The following PRR5L variants were observed in gnomAD, a reference collection of about 807,000 sequenced individuals.
The protein encoded by PRR5L is proline rich 5 like, also known as proline-rich protein 5-like.
PRR5L carries 21 observed loss-of-function variants against 36.4 expected under a neutral mutation model. That is an observed-to-expected ratio of 0.58 (90% CI 0.41 to 0.83). The LOEUF (loss-of-function observed/expected upper bound fraction) is 0.83, where lower values mean the gene tolerates loss of function less well. PRR5L is among the 40% of genes least tolerant of loss of function. The probability of loss-of-function intolerance (pLI) is 0.00; values close to 1 mark genes in which losing one functional copy is unlikely to be tolerated. For synonymous variants in PRR5L, 188 were observed against 197.0 expected (o/e 0.95, Z 0.38); for missense variants, 381 against 473.3 (o/e 0.80, Z 1.81).
chr11:36,372,985 T>TGTGTG (rs1425456704), intron 1 of PRR5L, among the ~76,000 whole-genome samples: 7 of 133,352 alleles, frequency 5.2e-5, no homozygotes, highest in Admixed American at 2.1e-4. Flanking sequence ...GTTGTGTGTG[T>TGTGTG]GTGTGTGTGT....
intron 1 of PRR5L, among the ~76,000 whole-genome samples, chr11:36,393,195 A>G (rs1857595750): frequency 6.6e-6 from 1 of 152,044 alleles, no homozygotes; most frequent in East Asian, 1.9e-4. Flanking sequence ...ATGTGATCTC[A>G]TTTGTCCATT....
At chr11:36,437,242 C>G in intron 5 of PRR5L, 143 bp from the exon 6 acceptor site, 2 of 751,148 alleles carry the variant, frequency 2.7e-6, no homozygotes, top group Non-Finnish European at 2.4e-6. Flanking sequence ...CCTCTGCTCT[C>G]TGGGCTTTAA....
intron 1 of PRR5L, among the ~76,000 whole-genome samples, chr11:36,370,803 C>A (rs1304055867): frequency 6.8e-6 from 1 of 146,876 alleles, no homozygotes; most frequent in Non-Finnish European, 1.5e-5. Flanking sequence ...ATCACTTGAA[C>A]CCCGGAGGTG....
chr11:36,351,217 A>T (rs1215580532), intron 1 of PRR5L, among the ~76,000 whole-genome samples: 5 of 88,892 alleles, frequency 5.6e-5, no homozygotes, highest in South Asian at 3.8e-4. Flanking sequence ...TAAATATATA[A>T]ATATATATAT....
chr11:36,335,004 T>C (rs1198572317), intron 1 of PRR5L, among the ~76,000 whole-genome samples: 1 of 151,830 alleles, frequency 6.6e-6, no homozygotes, highest in Non-Finnish European at 1.5e-5. Flanking sequence ...GCTTTTGAAA[T>C]GCTGAATAGT....
At chr11:36,461,968 G>A (rs1372051963) in intron 8 of PRR5L, among the ~76,000 whole-genome samples, 1 of 152,186 alleles carries the variant, frequency 6.6e-6, no homozygotes, top group Non-Finnish European at 1.5e-5. Context: ...AAGCCAGGGT[G>A]CTTCTTTTGG....
chr11:36,308,629 T>C (rs915878232), intron 1 of PRR5L, among the ~76,000 whole-genome samples: 10 of 152,196 alleles, frequency 6.6e-5, no homozygotes, highest in African/African-American at 2.2e-4. Context: ...GAATCACAAT[T>C]TTAGCTGATG....
Position 36,351,309 on chromosome 11 carries a change from TA to T in PRR5L, c.-125-49687del, listed in dbSNP as rs1856944137. 2.0e-4 allele frequency among the ~76,000 whole-genome samples: 15 copies of T among 73,554 alleles called. 1 individual carries two copies. Among genetic ancestry groups the T allele is most frequent in the South Asian group, 1.8e-3 (3 of 1,658 alleles). The allele number at this position is 73,554 out of a possible 152,430, so 48.3% of individuals were successfully genotyped here. A position where few individuals can be genotyped will look rare whatever the true frequency, so the allele number is the denominator to read the frequency against. On this transcript the variant is annotated intron_variant, in intron 1 of 8. Coordinates refer to ENST00000530639, the MANE Select transcript of PRR5L (RefSeq NM_001160167.2). ...ATATTTATATATTTATATATATATT[TA>T]TATATATTTATAAATATTTATATAT...
chr11:36,405,483 G>C (rs977411964), intron 3 of PRR5L, among the ~76,000 whole-genome samples: 9 of 152,314 alleles, frequency 5.9e-5, no homozygotes, highest in African/African-American at 2.2e-4. Context: ...CTGCTTCAGA[G>C]TGTTGAGTCC....
intron 1 of PRR5L, among the ~76,000 whole-genome samples, chr11:36,336,372 G>C (rs889465617): frequency 7.9e-5 from 12 of 152,090 alleles, no homozygotes; most frequent in Admixed American, 2.0e-4. Flanking sequence ...TGGGACTGTA[G>C]GCATGCACCA....
At chr11:36,351,611 T>TTATATAAA (rs1856965314) in intron 1 of PRR5L, among the ~76,000 whole-genome samples, 1 of 17,316 alleles carries the variant, frequency 5.8e-5, no homozygotes, top group Admixed American at 1.1e-3. Context: ...AAATATATAT[T>TTATATAAA]TATATATTTA....
chr11:36,345,316 A>G (rs972849923), intron 1 of PRR5L, among the ~76,000 whole-genome samples: 8 of 152,054 alleles, frequency 5.3e-5, no homozygotes, highest in Non-Finnish European at 1.0e-4. Context: ...TCACAGAGAG[A>G]TATGCTGTGT....
At chr11:36,410,952 G>A (rs186617186) in intron 3 of PRR5L, among the ~76,000 whole-genome samples, 268 of 152,292 alleles carry the variant, frequency 1.8e-3, no homozygotes, top group Non-Finnish European at 3.3e-3. Flanking sequence ...CGGTCTGGGC[G>A]GATCTCACCA....
chr11:36,392,798 C>T (rs1242243007), intron 1 of PRR5L, among the ~76,000 whole-genome samples: 1 of 152,164 alleles, frequency 6.6e-6, no homozygotes, highest in Non-Finnish European at 1.5e-5. Flanking sequence ...AACTCACTCA[C>T]TTTCATGAGA....
In PRR5L at chr11:36,437,838, T is replaced by TC. The variant is rs148427029; in HGVS notation, c.444+367dup. On this transcript the variant is annotated intron_variant, in intron 6 of 8. Coordinates refer to ENST00000530639, the MANE Select transcript of PRR5L (RefSeq NM_001160167.2). ...CTCCCCTGCCTCTATCTTTCTTCTC[T>TC]CCCCCTACTTTTTTTTGTGAAGCAT... Among the ~76,000 whole-genome samples, 920 of 152,154 alleles carry TC rather than the reference T, an allele frequency of 6.0e-3. 24 individuals are homozygous for TC. The highest frequency in any genetic ancestry group is 0.048 in the East Asian group (250 of 5,162).
chr11:36,303,478 C>G (rs1303107338), intron 1 of PRR5L, among the ~76,000 whole-genome samples: 1 of 152,230 alleles, frequency 6.6e-6, no homozygotes, highest in Non-Finnish European at 1.5e-5. Flanking sequence ...TCCACCCAAC[C>G]TACATATCTC....
chr11:36,307,928 T>C (rs1275085663), intron 1 of PRR5L, among the ~76,000 whole-genome samples: 2 of 152,222 alleles, frequency 1.3e-5, no homozygotes, highest in Non-Finnish European at 2.9e-5. Context: ...TGAAATCTCT[T>C]TCTTTTTTCC....
chr11:36,450,469 C>G (rs1292367259), intron 7 of PRR5L, among the ~76,000 whole-genome samples: 1 of 152,186 alleles, frequency 6.6e-6, no homozygotes, highest in Admixed American at 6.5e-5. Flanking sequence ...TTCTAGAAAA[C>G]ATTGGTTACT....
intron 6 of PRR5L, among the ~76,000 whole-genome samples, chr11:36,445,914 T>C (rs936595897): frequency 6.6e-6 from 1 of 152,226 alleles, no homozygotes; most frequent in East Asian, 1.9e-4. Flanking sequence ...ATTTGTATGA[T>C]AGATGTTCAG....
Sources: gnomAD v4.1 joint callset for allele counts (sites outside exome capture counted in the v4.1 genomes callset) on GRCh38, gnomAD v4.1.1 for gene constraint, MANE v1.5 for transcripts, NCBI Gene and HGNC (gene_info 2026-07-23, HGNC 2026-07-21) for gene names.